Variants in TNRC6A observed in about 807,000 individuals in gnomAD.
TNRC6A encodes the protein trinucleotide repeat containing adaptor 6A, also known as trinucleotide repeat-containing gene 6A protein.
Under a neutral mutation model 221.2 loss-of-function variants are expected in TNRC6A, and 44 were observed. The observed-to-expected ratio is 0.20, with a 90% CI of 0.16 to 0.26. The LOEUF is 0.26. Ranked by LOEUF, TNRC6A falls within the 10% of genes least tolerant of loss-of-function variation. The pLI, the probability that TNRC6A is intolerant of heterozygous loss-of-function variation, is 1.00. For synonymous variants in TNRC6A, 847 were observed against 838.5 expected (o/e 1.01, Z -0.18); for missense variants, 2,199 against 2,404.4 (o/e 0.91, Z 1.79).
chr16:24,769,202 T>C (rs1194929863), intron 4 of TNRC6A, among the ~76,000 whole-genome samples: 2 of 152,172 alleles, frequency 1.3e-5, no homozygotes, highest in Non-Finnish European at 2.9e-5. Context: ...CAGAATGATA[T>C]GTTTTTATAT....
At position 24,805,627 on chromosome 16, in the gene TNRC6A, A is replaced by G. The variant is rs763036414; in HGVS notation, c.4145A>G (p.Tyr1382Cys). 1.9e-6 allele frequency: 3 copies of G among 1,614,120 alleles called. No homozygotes were observed. The highest frequency in any genetic ancestry group is 2.2e-5 in the South Asian group (2 of 91,092). ...AAGGTTCCAGTTTCATTGCTGAAGTATGCACCAAACAACGGTGGCCTGAAT... is the reference window on the plus strand; with the variant it reads ...AAGGTTCCAGTTTCATTGCTGAAGTGTGCACCAAACAACGGTGGCCTGAAT... The part of the protein sequence containing the change: ...SPQVPVSLLK[Y>C]APNNGGLNPL... The change falls in exon 15 of 25, where the codon TAT (tyrosine) becomes TGT (cysteine). Residue 1382 changes from tyrosine (Y) to cysteine (C), a missense_variant. By Grantham distance (194) the Tyr-to-Cys change is radical. This residue lies in a region of TNRC6A where 449 missense variants were observed against 579.7 expected (regional missense o/e 0.77). Transcript: ENST00000395799.
chr16:24,807,387 A>G (rs1264197129), intron 17 of TNRC6A, among the ~76,000 whole-genome samples: 1 of 152,212 alleles, frequency 6.6e-6, no homozygotes, highest in East Asian at 1.9e-4. Flanking sequence ...TTAAAGGACT[A>G]GCTGTCTTAA....
rs769778716 is a variant in TNRC6A, at chr16:24,738,958, C to T, written c.53+8658C>T. On this transcript the variant is annotated intron_variant, in intron 2 of 24. Coordinates refer to ENST00000395799, the MANE Select transcript of TNRC6A (RefSeq NM_014494.4). ...AACCTCCCACCTTCCAGGCTCAAGC[C>T]ATCCTCTCACCACTGCCTCCCAGGT... Among the ~76,000 whole-genome samples, 23 of 152,228 alleles carry T rather than the reference C, an allele frequency of 1.5e-4. No individual in the cohort carries two copies. The East Asian group carries it at 2.1e-3, about 14-fold the overall frequency.
intron 2 of TNRC6A, among the ~76,000 whole-genome samples, chr16:24,671,525 G>T (rs1377334932): frequency 6.6e-6 from 1 of 152,208 alleles, no homozygotes; most frequent in African/African-American, 2.4e-5. Context: ...ACTAGGCGCT[G>T]TGCAGGCACT....
Position 24,777,128 on chromosome 16 carries a change from A to T in TNRC6A, c.359A>T (p.Gln120Leu). 1 of 1,611,974 alleles carries T rather than the reference A, an allele frequency of 6.2e-7. No homozygotes were observed. The highest frequency in any genetic ancestry group is 8.5e-7 in the Non-Finnish European group (1 of 1,179,162). The stretch of plus-strand genomic sequence containing the variant: ...CAGCCACAGCCGCAGCCGCAGCAGC[A>T]GCAGCCACAGCAGCAGCCACAGGCC... Reference protein sequence around the residue: ...QQQPQPQPQQQQPQQQPQALP... With the variant: ...QQQPQPQPQQLQPQQQPQALP... The change falls in exon 5 of 25, where the codon CAG becomes CTG. Residue 120 changes from glutamine (Q) to leucine (L), a missense_variant. Transcript: ENST00000395799.
chr16:24,693,272 T>G (rs1446041107), intron 2 of TNRC6A, among the ~76,000 whole-genome samples: 2 of 149,474 alleles, frequency 1.3e-5, no homozygotes, highest in South Asian at 2.1e-4. Context: ...GTAAGCAAAG[T>G]GAGATCCAGT....
chr16:24,644,081 A>T lies in TNRC6A; in HGVS notation n.402+3072A>T, dbSNP rs368015784. Among the ~76,000 whole-genome samples, 79 of 81,570 alleles carry T rather than the reference A, an allele frequency of 9.7e-4. 1 individual carries two copies. The highest frequency in any genetic ancestry group is 0.012 in the Middle Eastern group (1 of 82). 53.5% of individuals were successfully genotyped at this position (81,570 alleles called of 152,430 possible). ...TTGTTTGTTTTGTTTCTTATCTTTAATTTTTTTTTTTTTTTTTTTTTTTGA... is the reference window on the plus strand; with the variant it reads ...TTGTTTGTTTTGTTTCTTATCTTTATTTTTTTTTTTTTTTTTTTTTTTTGA... On this transcript the variant is annotated intron_variant and non_coding_transcript_variant, in intron 2 of 2. Coordinates refer to the TNRC6A transcript ENST00000566108.
At chr16:24,762,569 G>A (rs974135358) in intron 4 of TNRC6A, among the ~76,000 whole-genome samples, 7 of 152,194 alleles carry the variant, frequency 4.6e-5, no homozygotes, top group Admixed American at 1.3e-4. Flanking sequence ...AGCAGGGGCT[G>A]GGTATTCTGG....
chr16:24,789,507 C>T lies in TNRC6A; in HGVS notation c.865C>T (p.Leu289Phe). ...AGATGGCCTTCGGAATAGCACTGGACTTGGTTCCCAAAACAAGTTTGTAGT... is the reference window on the plus strand; with the variant it reads ...AGATGGCCTTCGGAATAGCACTGGATTTGGTTCCCAAAACAAGTTTGTAGT... ...EKDGLRNSTG[L>F]GSQNKFVVGS... The change falls in exon 6 of 25, where the codon CTT (leucine) becomes TTT (phenylalanine). Residue 289 changes from leucine (L) to phenylalanine (F), a missense_variant. By Grantham distance (22) the Leu-to-Phe change is conservative (BLOSUM62 0). Around this residue, in one of 8 missense-constraint regions of TNRC6A, gnomAD observed 1,405 missense variants for 1,400.2 expected, o/e 1.00. Transcript: ENST00000395799. 5 of 1,614,166 alleles carry T rather than the reference C, an allele frequency of 3.1e-6. No homozygotes were observed. Among genetic ancestry groups the T allele is most frequent in the Non-Finnish European group, 4.2e-6 (5 of 1,180,036 alleles).
At chr16:24,615,052 G>A (rs1366640635) in intron 1 of TNRC6A, among the ~76,000 whole-genome samples, 1 of 152,118 alleles carries the variant, frequency 6.6e-6, no homozygotes, top group African/African-American at 2.4e-5. Context: ...GTGACAGAGT[G>A]AGACTCTGTC....
intron 2 of TNRC6A, among the ~76,000 whole-genome samples, chr16:24,643,088 T>C (rs975860130): frequency 1.0e-4 from 14 of 138,512 alleles, no homozygotes; most frequent in Non-Finnish European, 6.1e-5. Flanking sequence ...ATTATATATA[T>C]ATATTTTATA....
At chr16:24,640,795 G>C (rs1307789791) in intron 1 of TNRC6A, 2 of 152,130 alleles carry the variant, frequency 1.3e-5, no homozygotes, top group East Asian at 3.9e-4. Flanking sequence ...GTGTCTCATA[G>C]GCAAATAGGC....
chr16:24,743,123 T>G (rs994121528), intron 2 of TNRC6A, among the ~76,000 whole-genome samples: 1 of 152,122 alleles, frequency 6.6e-6, no homozygotes, highest in African/African-American at 2.4e-5. Flanking sequence ...GACAAGTCAT[T>G]AGGACTTTCT....
At chr16:24,653,494 T>A (rs555094054) in intron 2 of TNRC6A, among the ~76,000 whole-genome samples, 1 of 152,278 alleles carries the variant, frequency 6.6e-6, no homozygotes, top group East Asian at 1.9e-4. Context: ...TTCTATTAAC[T>A]GCCAGGCGCG....
chr16:24,709,924 AT>A (rs1205800873), intron 2 of TNRC6A, among the ~76,000 whole-genome samples: 1 of 151,944 alleles, frequency 6.6e-6, no homozygotes, highest in Non-Finnish European at 1.5e-5. Flanking sequence ...AAAGGTATAA[AT>A]TTTTTTTAAA....
intron 2 of TNRC6A, among the ~76,000 whole-genome samples, chr16:24,694,103 C>T (rs2055809413): frequency 6.6e-6 from 1 of 151,988 alleles, no homozygotes; most frequent in Admixed American, 6.6e-5. Flanking sequence ...CAGAAGAGTC[C>T]CCAGGACTAG....
chr16:24,656,134 C>G (rs1030850503), intron 2 of TNRC6A, among the ~76,000 whole-genome samples: 1 of 134,130 alleles, frequency 7.5e-6, no homozygotes, highest in Admixed American at 8.1e-5. Flanking sequence ...AGAACAAGAC[C>G]TTGTCTCAAA....
chr16:24,686,500 C>G (rs1249778428), intron 2 of TNRC6A, among the ~76,000 whole-genome samples: 1 of 151,966 alleles, frequency 6.6e-6, no homozygotes, highest in Non-Finnish European at 1.5e-5. Flanking sequence ...ATTTCTAAAC[C>G]CTTCTCATCA....
chr16:24,806,678 C>T lies in TNRC6A; in HGVS notation c.4434C>T (p.Leu1478=). The change falls in exon 17 of 25, where the codon CTC becomes CTT. Residue 1478 remains leucine, a synonymous_variant. Coordinates refer to ENST00000395799, the MANE Select transcript of TNRC6A (RefSeq NM_014494.4). ...CTCCACCATCTCAGCAGCAGCCACT[C>T]CATCAGCCAGCCATGAAGTCTTTCC... ...QQTPPSQQQP[L]HQPAMKSFLD... is the part of the protein sequence containing the mutation. 6.2e-7 allele frequency: 1 copy of T among 1,614,184 alleles called. No individual in the cohort carries two copies.
Sources: allele counts gnomAD v4.1 joint callset (sites outside exome capture counted in the v4.1 genomes callset), GRCh38; gene constraint gnomAD v4.1.1; regional missense constraint gnomAD v4.1.1; transcripts MANE v1.5; gene names NCBI Gene and HGNC (gene_info 2026-07-23, HGNC 2026-07-21).